Variants in STIM2 observed in about 807,000 individuals in gnomAD.
STIM2 encodes the protein stromal interaction molecule 2.
In STIM2, 31 loss-of-function variants were observed where a neutral mutation model predicts 85.8. The ratio of observed to expected loss-of-function variants is 0.36; its 90% CI spans 0.27 to 0.49. STIM2 has a LOEUF of 0.49. Among genes scored for constraint, STIM2 ranks in the 20% least tolerant of loss-of-function variants. The probability of loss-of-function intolerance (pLI) is 0.98; values close to 1 mark genes in which losing one functional copy is unlikely to be tolerated. For synonymous variants in STIM2, 356 were observed against 331.1 expected (o/e 1.08, Z -0.82); for missense variants, 841 against 927.6 (o/e 0.91, Z 1.21).
intron 2 of STIM2, among the ~76,000 whole-genome samples, chr4:26,927,705 AAACT>A (rs1725012428): frequency 7.9e-6 from 1 of 125,898 alleles, no homozygotes; most frequent in Non-Finnish European, 1.6e-5. Flanking sequence ...AAAAAAAAAA[AAACT>A]TGAATAAAAA....
intron 1 of STIM2, among the ~76,000 whole-genome samples, chr4:26,902,010 C>A (rs779352837): frequency 6.6e-6 from 1 of 152,146 alleles, no homozygotes; most frequent in Non-Finnish European, 1.5e-5. Flanking sequence ...CTTCAGGGAT[C>A]ACAGTGTGCC....
chr4:26,900,043 A>T (rs1167639389), intron 1 of STIM2, among the ~76,000 whole-genome samples: 2 of 152,176 alleles, frequency 1.3e-5, no homozygotes, highest in Non-Finnish European at 2.9e-5. Flanking sequence ...TTTATTAACC[A>T]TAAACGGAAA....
At chr4:26,922,549 C>A (rs936810866) in intron 2 of STIM2, among the ~76,000 whole-genome samples, 3 of 152,066 alleles carry the variant, frequency 2.0e-5, no homozygotes, top group African/African-American at 4.8e-5. Context: ...AGAAGAAATG[C>A]ATAGGGCAAG....
intron 1 of STIM2, among the ~76,000 whole-genome samples, chr4:26,892,211 G>A (rs1160955870): frequency 6.6e-6 from 1 of 152,144 alleles, no homozygotes; most frequent in Non-Finnish European, 1.5e-5. Context: ...GAAAATGAAC[G>A]AATACATCAG....
rs760150725 is a variant in STIM2 at position 27,008,524 on chromosome 4, G to A, written c.1246G>A (p.Ala416Thr). 2.5e-6 allele frequency: 4 copies of A among 1,587,850 alleles called. No individual in the cohort carries two copies. Among genetic ancestry groups the A allele is most frequent in the South Asian group, 2.4e-5 (2 of 84,384 alleles). Residue 416 changes from alanine to threonine, a missense_variant, in exon 9 of 12, where the codon GCA becomes ACA. By Grantham distance (58) the Ala-to-Thr change is moderately conservative. Coordinates refer to ENST00000467087, the MANE Select transcript of STIM2 (RefSeq NM_020860.4). ...TGAGGTAGACCACAAAATTCTGGAA[G>A]CAAAGTAAGAATGTTGTTTTCACTT...
intron 1 of STIM2, among the ~76,000 whole-genome samples, chr4:26,907,414 C>G (rs1325074466): frequency 9.9e-5 from 15 of 152,108 alleles, no homozygotes; most frequent in Admixed American, 9.8e-4. Flanking sequence ...AGATGCTTTG[C>G]CTGATTCAGC....
chr4:26,952,023 A>G (rs1412358354), intron 2 of STIM2, among the ~76,000 whole-genome samples: 1 of 152,180 alleles, frequency 6.6e-6, no homozygotes, highest in Non-Finnish European at 1.5e-5. Flanking sequence ...GAAACCCCTG[A>G]TAAGACCAAG....
intron 1 of STIM2, among the ~76,000 whole-genome samples, chr4:26,870,375 A>G (rs1197029441): frequency 6.6e-6 from 1 of 151,970 alleles, no homozygotes; most frequent in African/African-American, 2.4e-5. Context: ...TTCATAATGT[A>G]TGCATATATC....
chr4:26,976,121 C>T (rs547907169), intron 3 of STIM2, among the ~76,000 whole-genome samples: 10 of 152,212 alleles, frequency 6.6e-5, no homozygotes, highest in African/African-American at 2.4e-4. Flanking sequence ...AGTATTTGGG[C>T]GGGAGTGTTC....
Position 26,970,223 on chromosome 4 carries a change from G to GTA in STIM2, c.397+12519_397+12520dup, listed in dbSNP as rs1553851733. On this transcript the variant is annotated intron_variant, in intron 3 of 11. Coordinates refer to ENST00000467087, the MANE Select transcript of STIM2 (RefSeq NM_020860.4). ...TGTATATATATATATATATATATAT[G>GTA]TATATATATATATATATATATATGT... 5.3e-3 allele frequency among the ~76,000 whole-genome samples: 72 copies of GTA among 13,612 alleles called. 1 individual carries two copies. Among genetic ancestry groups the GTA allele is most frequent in the African/African-American group, 8.7e-3 (58 of 6,630 alleles). 8.9% of individuals were successfully genotyped at this position (13,612 alleles called of 152,430 possible).
At position 27,015,934 on chromosome 4, in the gene STIM2, A is replaced by C. The variant is rs148292732; in HGVS notation, c.1490-1777A>C. Among the ~76,000 whole-genome samples the C allele has an allele frequency of 2.9e-3, 436 of 151,832 alleles. 1 individual carries two copies. The highest frequency in any genetic ancestry group is 4.9e-3 in the Non-Finnish European group (331 of 67,872). ...CTTCTGGAATATTAGTTATGTAGAA[A>C]TATTAGTGCTAATATTAGTTTATTA... On this transcript the variant is annotated intron_variant, in intron 10 of 11. Coordinates refer to ENST00000467087, the MANE Select transcript of STIM2 (RefSeq NM_020860.4).
At chr4:27,008,719 A>G (rs757400395) in intron 9 of STIM2, 45 bp from the exon 10 acceptor site, 10 of 1,584,282 alleles carry the variant, frequency 6.3e-6, no homozygotes, top group Non-Finnish European at 8.7e-6. Context: ...TGCCATATTA[A>G]AGACCTTTTG....
Position 26,877,607 on chromosome 4 carries a change from T to C in STIM2, c.151+16238T>C, listed in dbSNP as rs565403709. Among the ~76,000 whole-genome samples, 5 of 151,886 alleles carry C rather than the reference T, an allele frequency of 3.3e-5. No individual in the cohort carries two copies. The East Asian group carries it at 9.8e-4, about 30-fold the overall frequency. On this transcript the variant is annotated intron_variant, in intron 1 of 11. Coordinates refer to ENST00000467087, the MANE Select transcript of STIM2 (RefSeq NM_020860.4). ...AATGCGTATACCTCCTCTGTCACAC[T>C]GTTGGTATGGTAGGTTGAGTTAGTT...
chr4:26,872,861 C>G (rs1273186999), intron 1 of STIM2, among the ~76,000 whole-genome samples: 1 of 152,114 alleles, frequency 6.6e-6, no homozygotes, highest in Non-Finnish European at 1.5e-5. Flanking sequence ...CTGAGAAGGT[C>G]ACATTTAAGG....
chr4:27,004,330 C>T (rs2065585439), intron 7 of STIM2, among the ~76,000 whole-genome samples: 1 of 152,066 alleles, frequency 6.6e-6, no homozygotes, highest in African/African-American at 2.4e-5. Flanking sequence ...CAAACCATAT[C>T]AGCACAGAAT....
At position 26,951,468 on chromosome 4, in the gene STIM2, T is replaced by C. The variant is rs551942666; in HGVS notation, c.283-6144T>C. Among the ~76,000 whole-genome samples, 4 of 152,262 alleles carry C rather than the reference T, an allele frequency of 2.6e-5. No homozygotes were observed. In the East Asian group the frequency reaches 7.7e-4, roughly 29 times the overall value. ...TTAGGGCAGTCATACGGCACAGTTG[T>C]TTGTTTCTGGTCATCTCAGGGATCA... On this transcript the variant is annotated intron_variant, in intron 2 of 11. Transcript: ENST00000467087.
intron 1 of STIM2, chr4:26,874,253 C>T: frequency 2.3e-6 from 1 of 425,848 alleles, no homozygotes; most frequent in Non-Finnish European, 4.7e-6. Context: ...GGATGGCTGG[C>T]CACAGGCTGC....
At chr4:27,013,161 C>T (rs147859878) in intron 10 of STIM2, among the ~76,000 whole-genome samples, 1 of 150,620 alleles carries the variant, frequency 6.6e-6, no homozygotes, top group Non-Finnish European at 1.5e-5. Flanking sequence ...CCCCCTCTGC[C>T]CATATATGTG....
At chr4:26,985,873 A>T (rs934253132) in intron 3 of STIM2, among the ~76,000 whole-genome samples, 1 of 152,256 alleles carries the variant, frequency 6.6e-6, no homozygotes, top group Non-Finnish European at 1.5e-5. Flanking sequence ...TAAATTTAGG[A>T]CATAGCAGTT....
Sources: allele counts gnomAD v4.1 joint callset (sites outside exome capture counted in the v4.1 genomes callset), GRCh38; gene constraint gnomAD v4.1.1; transcripts MANE v1.5; gene names NCBI Gene and HGNC (gene_info 2026-07-23, HGNC 2026-07-21).